The following ALPK3 variants were observed in gnomAD, a reference collection of about 807,000 sequenced individuals.
ALPK3 encodes the protein alpha kinase 3.
Under a neutral mutation model 140.0 loss-of-function variants are expected in ALPK3, and 102 were observed. That is an observed-to-expected ratio of 0.73 (90% CI 0.62 to 0.86). The LOEUF (loss-of-function observed/expected upper bound fraction) is 0.86. Ranked by LOEUF, ALPK3 falls within the 40% of genes least tolerant of loss-of-function variation. ALPK3 has a pLI of 0.00. For missense variants in ALPK3, 2,254 were observed against 2,208.2 expected (o/e 1.02, Z -0.42); for synonymous variants, 938 against 898.5 (o/e 1.04, Z -0.79).
chr15:84,834,364 T>C (rs933044017), intron 3 of ALPK3, among the ~76,000 whole-genome samples: 1 of 152,228 alleles, frequency 6.6e-6, no homozygotes, highest in African/African-American at 2.4e-5. Flanking sequence ...CTAGATAACT[T>C]TGGACAAGAG....
intron 9 of ALPK3, 95 bp downstream of exon 9, chr15:84,860,167 A>G (rs899632795): frequency 1.4e-6 from 2 of 1,427,924 alleles, no homozygotes; most frequent in Non-Finnish European, 2.0e-6. Flanking sequence ...CCCAATCCAC[A>G]TACTGCTCCT....
At chr15:84,838,944 G>A in intron 3 of ALPK3, 36 bp from the exon 4 acceptor site, 1 of 1,587,560 alleles carries the variant, frequency 6.3e-7, no homozygotes, top group Non-Finnish European at 8.6e-7. Context: ...TTTGGAACTG[G>A]CCTTGCTGTA....
chr15:84,863,398 G>A, intron 10 of ALPK3, 154 bp from the exon 11 acceptor site: 1 of 627,262 alleles, frequency 1.6e-6, no homozygotes, highest in Non-Finnish European at 2.8e-6. Flanking sequence ...GAGATGCAGA[G>A]TGGGGAGCAG....
At position 84,864,440 on chromosome 15, in the gene ALPK3, A is replaced by G. The variant is rs371086018; in HGVS notation, c.4500-2A>G. On this transcript the variant is annotated splice_acceptor_variant, in intron 11 of 13. Coordinates refer to ENST00000258888, the MANE Select transcript of ALPK3 (RefSeq NM_020778.5). LOFTEE classifies it high-confidence loss of function. ...CTTACTGCAGGGTGAAACTATGTTT[A>G]GGATCATCCCACTGTATCTGATCTA... The G allele has an allele frequency of 6.2e-7, 1 of 1,613,322 alleles. No homozygotes were observed. The highest frequency in any genetic ancestry group is 8.5e-7 in the Non-Finnish European group (1 of 1,179,410).
At chr15:84,817,929 CG>C (rs1362857646) in intron 1 of ALPK3, among the ~76,000 whole-genome samples, 3 of 152,222 alleles carry the variant, frequency 2.0e-5, no homozygotes, top group Admixed American at 6.5e-5. Context: ...CCACAGCTAG[CG>C]ATAAGGAAAG....
intron 2 of ALPK3, among the ~76,000 whole-genome samples, chr15:84,825,069 T>G (rs1275397680): frequency 1.3e-5 from 2 of 152,256 alleles, no homozygotes; most frequent in African/African-American, 4.8e-5. Flanking sequence ...TATTTTCTAA[T>G]GTAAACATTT....
In ALPK3 at chr15:84,857,900, C is replaced by T. The variant is rs867403358; in HGVS notation, c.3162C>T (p.Ala1054=). ...LDREVQAGRQ[A]LAAARGSWGP... is the part of the protein sequence containing the mutation. ...GTGAGGTGCAGGCTGGCCGCCAGGC[C>T]CTTGCTGCTGCCCGAGGCTCCTGGG... The change falls in exon 6 of 14, where the codon GCC becomes GCT. Residue 1054 remains alanine (A), a synonymous_variant. Coordinates refer to ENST00000258888, the MANE Select transcript of ALPK3 (RefSeq NM_020778.5). 1 of 1,612,122 alleles carries T rather than the reference C, an allele frequency of 6.2e-7. No homozygotes were observed. The highest frequency in any genetic ancestry group is 8.5e-7 in the Non-Finnish European group (1 of 1,179,486).
chr15:84,858,201 A>G lies in ALPK3; in HGVS notation c.3463A>G (p.Thr1155Ala). The G allele has an allele frequency of 6.2e-7, 1 of 1,612,650 alleles. No homozygotes were observed. Among genetic ancestry groups the G allele is most frequent in the Non-Finnish European group, 8.5e-7 (1 of 1,179,398 alleles). The change falls in exon 6 of 14, where the codon ACA becomes GCA. Residue 1155 changes from threonine (T) to alanine (A), a missense_variant. Physicochemically the swap from Thr to Ala is moderately conservative, Grantham distance 58. Transcript: ENST00000258888. ...GGCTCTGACAGGTCTCCCGGCAGCT[A>G]CACCTGAGGAACTGGCTCTAGGGGC... ...GEALTGLPAA[T>A]PEELALGARR...
chr15:84,818,377 G>C (rs1338684488), intron 1 of ALPK3, among the ~76,000 whole-genome samples: 1 of 152,186 alleles, frequency 6.6e-6, no homozygotes, highest in Non-Finnish European at 1.5e-5. Context: ...AGGCATCCAG[G>C]AAATCAAAGG....
chr15:84,858,707 C>A, intron 6 of ALPK3, 152 bp downstream of exon 6: 2 of 1,231,430 alleles, frequency 1.6e-6, no homozygotes, highest in Non-Finnish European at 2.2e-6. Context: ...TCTCTCACAG[C>A]CTTTAAGGCC....
At chr15:84,858,862 C>T (rs192230140) in intron 6 of ALPK3, among the ~76,000 whole-genome samples, 1 of 152,320 alleles carries the variant, frequency 6.6e-6, no homozygotes, top group East Asian at 1.9e-4. Flanking sequence ...CCATCATCAC[C>T]ATTCAGTCCC....
chr15:84,823,025 T>G (rs1452422164), intron 1 of ALPK3, among the ~76,000 whole-genome samples: 2 of 152,232 alleles, frequency 1.3e-5, no homozygotes, highest in Non-Finnish European at 2.9e-5. Context: ...GCCTCCCTCT[T>G]GGGGGCAGTG....
intron 12 of ALPK3, among the ~76,000 whole-genome samples, chr15:84,865,557 C>A (rs1334463435): frequency 6.6e-6 from 1 of 152,142 alleles, no homozygotes; most frequent in Non-Finnish European, 1.5e-5. Flanking sequence ...CCAACCATTA[C>A]TAAATATTGA....
In ALPK3 at chr15:84,873,108, G is replaced by A. The variant is rs1336978390; in HGVS notation, c.*4652G>A. 4 of 152,118 alleles carry A rather than the reference G, an allele frequency of 2.6e-5. No homozygotes were observed. The highest frequency in any genetic ancestry group is 4.4e-5 in the Non-Finnish European group (3 of 68,040). 9.4% of individuals were successfully genotyped at this position (152,118 alleles called of 1,614,324 possible). A position where few individuals can be genotyped will look rare whatever the true frequency, so the allele number is the denominator to read the frequency against. On this transcript the variant is annotated 3_prime_UTR_variant, in exon 14 of 14. Transcript: ENST00000258888. The stretch of plus-strand genomic sequence containing the variant: ...CTGTTGCTGAGATCAGGGAGCCCAC[G>A]TTCACAGCAGCTCTTTCAAGCAGCC...
chr15:84,830,642 A>G (rs1393631485), intron 3 of ALPK3, among the ~76,000 whole-genome samples: 2 of 152,296 alleles, frequency 1.3e-5, no homozygotes, highest in East Asian at 3.9e-4. Flanking sequence ...GAAAGAGTAC[A>G]TGGGAAGTAG....
chr15:84,850,879 T>TACACACACACACACACAC (rs4040516), intron 5 of ALPK3, among the ~76,000 whole-genome samples: 15 of 142,472 alleles, frequency 1.1e-4, no homozygotes, highest in East Asian at 1.0e-3. Context: ...GTTCCAGATA[T>TACACACACACACACACAC]ACACACACAC....
At chr15:84,838,603 T>C (rs938770683) in intron 3 of ALPK3, among the ~76,000 whole-genome samples, 2 of 46,290 alleles carry the variant, frequency 4.3e-5, no homozygotes, top group Admixed American at 3.6e-4. Flanking sequence ...CTCCTCCCAT[T>C]ATTATTATTA....
At chr15:84,854,244 T>TGG (rs1963836427) in intron 5 of ALPK3, among the ~76,000 whole-genome samples, 1 of 151,596 alleles carries the variant, frequency 6.6e-6, no homozygotes. Context: ...TAATTTTTAA[T>TGG]GATGAAAAAT....
chr15:84,867,278 C>T, intron 12 of ALPK3, 39 bp from the exon 13 acceptor site: 1 of 1,609,970 alleles, frequency 6.2e-7, no homozygotes, highest in African/African-American at 1.3e-5. Context: ...TTAGAGCCAG[C>T]CCAGACTGGC....
Sources: allele counts gnomAD v4.1 joint callset (sites outside exome capture counted in the v4.1 genomes callset), GRCh38; gene constraint gnomAD v4.1.1; transcripts MANE v1.5; gene names NCBI Gene and HGNC (gene_info 2026-07-23, HGNC 2026-07-21).